BICD1: variants seen among roughly 807,000 people sequenced by gnomAD.
BICD1 encodes the protein protein bicaudal D homolog 1.
Under a neutral mutation model 92.5 loss-of-function variants are expected in BICD1, and 35 were observed. The ratio of observed to expected loss-of-function variants is 0.38; its 90% CI spans 0.29 to 0.50. The LOEUF (loss-of-function observed/expected upper bound fraction) is 0.50. Among genes scored for constraint, BICD1 ranks in the 20% least tolerant of loss-of-function variants. BICD1 has a pLI of 0.93. For synonymous variants in BICD1, 429 were observed against 465.1 expected, an observed-to-expected ratio of 0.92 and a Z score of 1.00; for missense variants, 950 against 1,189.8, an observed-to-expected ratio of 0.80 and a Z score of 2.97.
intron 2 of BICD1, among the ~76,000 whole-genome samples, chr12:32,242,215 C>CAAAA (rs4001812): frequency 6.3e-5 from 3 of 47,716 alleles, no homozygotes; most frequent in Admixed American, 3.4e-4. Context: ...GACCCTGTCT[C>CAAAA]AAAAAAAAAA....
At chr12:32,155,034 CT>C (rs5797458) in intron 1 of BICD1, among the ~76,000 whole-genome samples, 145,704 of 150,844 alleles carry the variant, frequency 0.97, 70,290 homozygotes, top group Middle Eastern at 1. Flanking sequence ...TGAAGTGCTG[CT>C]TTTTTTTTTC....
intron 2 of BICD1, among the ~76,000 whole-genome samples, chr12:32,262,535 C>G (rs748519213): frequency 6.6e-6 from 1 of 152,210 alleles, no homozygotes; most frequent in Non-Finnish European, 1.5e-5. Flanking sequence ...CATACTAACC[C>G]TTGGTCCCTC....
intron 1 of BICD1, among the ~76,000 whole-genome samples, chr12:32,172,904 A>G (rs182441489): frequency 3.4e-4 from 52 of 152,246 alleles, no homozygotes; most frequent in African/African-American, 1.2e-3. Flanking sequence ...CTCTTTCGGC[A>G]TTTTTCAGTT....
rs558677483 is a variant in BICD1 at position 32,225,895 on chromosome 12, T to A, written c.426+9436T>A. ...CCTCGGCCTCCCAAAATGCTGAGAT[T>A]TCAGGCGTGAGCCACCACGCCTGGC... On this transcript the variant is annotated intron_variant, in intron 2 of 9. Coordinates refer to ENST00000652176, the MANE Select transcript of BICD1 (RefSeq NM_001714.4). 2.0e-5 allele frequency among the ~76,000 whole-genome samples: 3 copies of A among 152,178 alleles called. No individual in the cohort carries two copies. The South Asian group carries it at 6.2e-4, about 32-fold the overall frequency.
At chr12:32,222,318 A>G (rs910836168) in intron 2 of BICD1, among the ~76,000 whole-genome samples, 1 of 152,174 alleles carries the variant, frequency 6.6e-6, no homozygotes, top group African/African-American at 2.4e-5. Flanking sequence ...AAATAACAAC[A>G]TTTATTGAGT....
chr12:32,331,235 A>T (rs530729083), intron 5 of BICD1, among the ~76,000 whole-genome samples: 1 of 152,336 alleles, frequency 6.6e-6, no homozygotes, highest in South Asian at 2.1e-4. Context: ...TTCATTGATT[A>T]CATATTTTCT....
chr12:32,377,627 GTCT>G lies in BICD1; in HGVS notation c.*3_*5del, dbSNP rs758956697. ...GTCTCTCCAAGCCTCCTCACCCCTA[GTCT>G]TCATCTCCTGTGGACGAACATCTGG... On this transcript the variant is annotated 3_prime_UTR_variant, in exon 10 of 10. Coordinates refer to ENST00000652176, the MANE Select transcript of BICD1 (RefSeq NM_001714.4). The G allele has an allele frequency of 6.2e-7, 1 of 1,611,330 alleles. No individual in the cohort carries two copies. Among genetic ancestry groups the G allele is most frequent in the Admixed American group, 1.7e-5 (1 of 59,988 alleles).
chr12:32,144,113 T>G (rs889737228), intron 1 of BICD1, among the ~76,000 whole-genome samples: 2 of 152,220 alleles, frequency 1.3e-5, no homozygotes, highest in Non-Finnish European at 2.9e-5. Flanking sequence ...AATTCTCAAT[T>G]TGGTGAATGT....
chr12:32,282,904 G>A (rs2121823), intron 2 of BICD1, among the ~76,000 whole-genome samples: 8,395 of 152,260 alleles, frequency 0.055, 753 homozygotes, highest in African/African-American at 0.19. Flanking sequence ...TTCTTTGGGA[G>A]GATTGAGGAG....
At chr12:32,219,631 C>A (rs1384756200) in intron 2 of BICD1, among the ~76,000 whole-genome samples, 2 of 151,990 alleles carry the variant, frequency 1.3e-5, no homozygotes, top group Admixed American at 1.3e-4. Context: ...AATTTATCAC[C>A]TCAAAAATTC....
At chr12:32,229,522 G>GATCAT (rs1945806262) in intron 2 of BICD1, among the ~76,000 whole-genome samples, 3 of 152,158 alleles carry the variant, frequency 2.0e-5, no homozygotes, top group Non-Finnish European at 4.4e-5. Flanking sequence ...TCAACAGTGC[G>GATCAT]GATGCTGCTA....
chr12:32,302,880 A>ATTTTT (rs371035402), intron 3 of BICD1, among the ~76,000 whole-genome samples: 33 of 109,876 alleles, frequency 3.0e-4, no homozygotes, highest in South Asian at 9.6e-4. Context: ...TCCAATGACC[A>ATTTTT]TTTTTTTTTT....
chr12:32,202,636 G>A (rs1363553428), intron 1 of BICD1, among the ~76,000 whole-genome samples: 1 of 152,084 alleles, frequency 6.6e-6, no homozygotes, highest in Non-Finnish European at 1.5e-5. Context: ...TTGGAGGCAG[G>A]GTCTTACTGT....
At chr12:32,182,940 G>C (rs1944321693) in intron 1 of BICD1, among the ~76,000 whole-genome samples, 1 of 141,638 alleles carries the variant, frequency 7.1e-6, no homozygotes, top group East Asian at 2.1e-4. Context: ...TGTTGACAAG[G>C]CTGGAATGCA....
At chr12:32,284,056 T>G (rs762579727) in intron 2 of BICD1, among the ~76,000 whole-genome samples, 2 of 152,254 alleles carry the variant, frequency 1.3e-5, no homozygotes, top group Non-Finnish European at 2.9e-5. Flanking sequence ...CAGGCCTTCT[T>G]GGCCCCAACA....
intron 1 of BICD1, among the ~76,000 whole-genome samples, chr12:32,192,475 T>TAGATAGATAGAC (rs1247537184): frequency 6.1e-5 from 9 of 147,294 alleles, no homozygotes; most frequent in Admixed American, 2.0e-4. Flanking sequence ...GATAGATAGA[T>TAGATAGATAGAC]AGACAAATAA....
intron 9 of BICD1, among the ~76,000 whole-genome samples, chr12:32,371,037 C>T (rs1463687632): frequency 6.6e-6 from 1 of 151,814 alleles, no homozygotes; most frequent in Non-Finnish European, 1.5e-5. Flanking sequence ...TTTTTTTCCA[C>T]CTTGCTTGTT....
At chr12:32,218,959 T>C (rs969790615) in intron 2 of BICD1, among the ~76,000 whole-genome samples, 1 of 152,216 alleles carries the variant, frequency 6.6e-6, no homozygotes. Flanking sequence ...TTTGGTGTAT[T>C]GATACACACT....
rs1010552645 is a variant in BICD1 at position 32,107,084 on chromosome 12, C to T, written c.-248C>T. On this transcript the variant is annotated 5_prime_UTR_variant, in exon 1 of 10. Coordinates refer to ENST00000652176, the MANE Select transcript of BICD1 (RefSeq NM_001714.4). The stretch of plus-strand genomic sequence containing the variant: ...CAGGGGCCGGCCCCGAGGACACATG[C>T]GGCGGCCTTTGCCGCCTCGCCCCTG... The T allele has an allele frequency of 6.0e-6, 3 of 503,012 alleles. No homozygotes were observed. Among genetic ancestry groups the T allele is most frequent in the South Asian group, 2.3e-5 (1 of 43,028 alleles). The allele number at this position is 503,012 out of a possible 1,614,324, so 31.2% of individuals were successfully genotyped here.
Sources: allele counts gnomAD v4.1 joint callset (sites outside exome capture counted in the v4.1 genomes callset), GRCh38; gene constraint gnomAD v4.1.1; transcripts MANE v1.5; gene names NCBI Gene and HGNC (gene_info 2026-07-23, HGNC 2026-07-21).